Variants in DOCK9 observed in about 807,000 individuals in gnomAD.
DOCK9 encodes dedicator of cytokinesis 9.
DOCK9 carries 89 observed loss-of-function variants against 263.3 expected under a neutral mutation model. The observed-to-expected ratio is 0.34, with a 90% CI of 0.28 to 0.40. The LOEUF (loss-of-function observed/expected upper bound fraction) is 0.40, where lower values mean the gene tolerates loss of function less well. DOCK9 is among the 10% of genes least tolerant of loss of function. The probability of loss-of-function intolerance (pLI) is 1.00; values close to 1 mark genes in which losing one functional copy is unlikely to be tolerated. For missense variants in DOCK9, 2,140 were observed against 2,603.4 expected (o/e 0.82, Z 3.87); for synonymous variants, 976 against 973.1 (o/e 1.00, Z -0.06).
intron 49 of DOCK9, among the ~76,000 whole-genome samples, chr13:98,804,585 C>G (rs2090475142): frequency 8.0e-6 from 1 of 125,540 alleles, no homozygotes; most frequent in African/African-American, 2.7e-5. Context: ...CCTGAGACCG[C>G]TGAGCAGGCC....
In DOCK9 at chr13:98,805,102, T is replaced by C. The variant is rs779573148; in HGVS notation, c.5622A>G (p.Arg1874=). ...ACATGAAGCGGCGGATGTTGTGGGA[T>C]CTCTCAAACTCTGTTTTCCTTTCTT... is the stretch of plus-strand genomic sequence containing the variant. ...ELQERKTEFE[R]SHNIRRFMFE... is the part of the protein sequence containing the mutation. Residue 1874 remains arginine, a synonymous_variant, in exon 49 of 53, where the codon AGA becomes AGG. Coordinates refer to ENST00000682017, the MANE Select transcript of DOCK9 (RefSeq NM_001366683.2). 1 of 1,611,302 alleles carries C rather than the reference T, an allele frequency of 6.2e-7. No individual in the cohort carries two copies. Among genetic ancestry groups the C allele is most frequent in the Admixed American group, 1.7e-5 (1 of 59,700 alleles).
intron 1 of DOCK9, among the ~76,000 whole-genome samples, chr13:98,972,422 G>GT (rs34379945): frequency 0.55 from 83,960 of 151,616 alleles, 23,535 homozygotes; most frequent in East Asian, 0.75. Context: ...AGCGATTTTA[G>GT]TTTCTATACA....
intron 1 of DOCK9, among the ~76,000 whole-genome samples, chr13:98,961,353 G>A (rs957870650): frequency 2.0e-5 from 3 of 152,280 alleles, no homozygotes; most frequent in Admixed American, 6.5e-5. Flanking sequence ...TTTCTGACAC[G>A]AGCCAGCTCC....
chr13:98,908,580 G>C (rs567867016), intron 9 of DOCK9, among the ~76,000 whole-genome samples: 31 of 152,328 alleles, frequency 2.0e-4, no homozygotes, highest in African/African-American at 7.2e-4. Context: ...CACTGGCCCA[G>C]AGGGACATCT....
chr13:98,909,253 T>G (rs1323361947), intron 9 of DOCK9, among the ~76,000 whole-genome samples: 3 of 152,186 alleles, frequency 2.0e-5, no homozygotes, highest in Non-Finnish European at 2.9e-5. Flanking sequence ...CACCCCATCC[T>G]GTAAACCCTA....
At chr13:98,992,271 A>G (rs1275757289) in intron 1 of DOCK9, among the ~76,000 whole-genome samples, 1 of 152,004 alleles carries the variant, frequency 6.6e-6, no homozygotes, top group South Asian at 2.1e-4. Flanking sequence ...TCATTTAGAG[A>G]GCTTGTTAAA....
At chr13:98,842,094 A>G (rs80311085) in intron 38 of DOCK9, among the ~76,000 whole-genome samples, 1 of 152,192 alleles carries the variant, frequency 6.6e-6, no homozygotes. Context: ...TATTAATTCA[A>G]TATGATGTAC....
At chr13:98,797,607 C>A (rs578252095) in intron 50 of DOCK9, 118 bp from the exon 51 acceptor site, 11 of 820,340 alleles carry the variant, frequency 1.3e-5, no homozygotes, top group African/African-American at 5.2e-5. Context: ...ACAATCCCTG[C>A]CTTCCAGGAA....
intron 1 of DOCK9, among the ~76,000 whole-genome samples, chr13:99,072,297 C>T (rs2041714681): frequency 6.6e-6 from 1 of 152,080 alleles, no homozygotes; most frequent in East Asian, 1.9e-4. Flanking sequence ...GTGCATTGAG[C>T]CTTAAAGGTC....
intron 49 of DOCK9, among the ~76,000 whole-genome samples, chr13:98,800,895 T>G (rs1358453316): frequency 1.3e-5 from 2 of 152,202 alleles, no homozygotes; most frequent in Non-Finnish European, 2.9e-5. Context: ...AAAAATATCC[T>G]TGAGAAAATT....
At chr13:98,970,836 G>T (rs2059663402) in intron 1 of DOCK9, among the ~76,000 whole-genome samples, 1 of 151,888 alleles carries the variant, frequency 6.6e-6, no homozygotes, top group Admixed American at 6.6e-5. Context: ...CTGGAGCTAG[G>T]CTGTCTTGTT....
intron 9 of DOCK9, among the ~76,000 whole-genome samples, chr13:98,913,177 C>T (rs2050332272): frequency 1.3e-5 from 2 of 152,156 alleles, no homozygotes; most frequent in South Asian, 4.1e-4. Flanking sequence ...AAATAAAGGT[C>T]AATGCTGAAT....
At chr13:99,087,459 C>T (rs2142538551), upstream of DOCK9, among the ~76,000 whole-genome samples, 1 of 152,362 alleles carries the variant, frequency 6.6e-6, no homozygotes, top group South Asian at 2.1e-4. Context: ...CCCTCCGCGC[C>T]GGACCGCCAG....
chr13:98,797,941 T>C (rs2089634544), intron 50 of DOCK9, among the ~76,000 whole-genome samples: 1 of 152,218 alleles, frequency 6.6e-6, no homozygotes, highest in Admixed American at 6.5e-5. Flanking sequence ...ATTCCAGTTT[T>C]TGAAACCCAA....
chr13:99,072,652 C>G (rs1037297270), intron 1 of DOCK9, among the ~76,000 whole-genome samples: 1 of 152,102 alleles, frequency 6.6e-6, no homozygotes, highest in Non-Finnish European at 1.5e-5. Context: ...AAGAAAACAC[C>G]CATTCTAAAT....
upstream of DOCK9, chr13:99,088,478 A>G (rs1207471471): frequency 6.6e-6 from 1 of 152,222 alleles, no homozygotes; most frequent in African/African-American, 2.4e-5. Context: ...ATCATGAGTT[A>G]GAGCCTCCCT....
chr13:98,920,231 T>G (rs559512488), intron 7 of DOCK9, among the ~76,000 whole-genome samples: 3 of 152,234 alleles, frequency 2.0e-5, no homozygotes, highest in Admixed American at 2.0e-4. Flanking sequence ...GAAAAATACA[T>G]TCATGTGTTA....
chr13:98,901,566 G>A lies in DOCK9; in HGVS notation c.1503+212C>T, dbSNP rs1022386358. Among the ~76,000 whole-genome samples, 24 of 152,338 alleles carry A rather than the reference G, an allele frequency of 1.6e-4. 1 individual carries two copies. The highest frequency in any genetic ancestry group is 1.1e-3 in the Admixed American group (17 of 15,306). Reference sequence around the variant, plus strand: ...CAAATTATTTTAGGATGTCAGAACTGTCTAGTCAAGTGGATCATTTTATTT... The same window carrying A: ...CAAATTATTTTAGGATGTCAGAACTATCTAGTCAAGTGGATCATTTTATTT... On this transcript the variant is annotated intron_variant, in intron 13 of 52. Coordinates refer to ENST00000682017, the MANE Select transcript of DOCK9 (RefSeq NM_001366683.2).
chr13:98,989,337 GAT>G (rs2141686335), intron 1 of DOCK9, among the ~76,000 whole-genome samples: 1 of 128,536 alleles, frequency 7.8e-6, no homozygotes, highest in African/African-American at 3.0e-5. Context: ...TGATGATGAT[GAT>G]GATGATGATA....
Sources: gnomAD v4.1 joint callset for allele counts (sites outside exome capture counted in the v4.1 genomes callset) on GRCh38, gnomAD v4.1.1 for gene constraint, MANE v1.5 for transcripts, NCBI Gene and HGNC (gene_info 2026-07-23, HGNC 2026-07-21) for gene names.